RBFOX1: variants seen among roughly 807,000 people sequenced by gnomAD.
RBFOX1 encodes RNA binding protein fox-1 homolog 1.
RBFOX1 carries 8 observed loss-of-function variants against 57.7 expected under a neutral mutation model. The ratio of observed to expected loss-of-function variants is 0.14; its 90% CI spans 0.08 to 0.25. The LOEUF (loss-of-function observed/expected upper bound fraction) is 0.25, where lower values mean the gene tolerates loss of function less well. RBFOX1 is among the 10% of genes least tolerant of loss of function. RBFOX1 has a pLI of 1.00. For missense variants in RBFOX1, 611 were observed against 548.5 expected (o/e 1.11, Z -1.14); for synonymous variants, 326 against 222.4 (o/e 1.47, Z -4.15).
At chr16:7,159,561 A>T (rs532847548) in intron 4 of RBFOX1, among the ~76,000 whole-genome samples, 5 of 152,292 alleles carry the variant, frequency 3.3e-5, no homozygotes, top group South Asian at 2.1e-4. Context: ...GGATTTGAAC[A>T]TGAGTCCCCA....
intron 2 of RBFOX1, among the ~76,000 whole-genome samples, chr16:5,476,808 A>T (rs967589379): frequency 2.0e-5 from 3 of 152,104 alleles, no homozygotes; most frequent in African/African-American, 7.2e-5. Flanking sequence ...TCTGGGCAGA[A>T]ATCCTTTCCT....
intron 1 of RBFOX1, among the ~76,000 whole-genome samples, chr16:5,332,728 G>C (rs1254831470): frequency 6.6e-6 from 1 of 151,468 alleles, no homozygotes; most frequent in African/African-American, 2.4e-5. Context: ...ACCATGTGTA[G>C]ATATTATTTT....
intron 3 of RBFOX1, among the ~76,000 whole-genome samples, chr16:5,675,480 G>A (rs1481954732): frequency 6.6e-6 from 1 of 152,182 alleles, no homozygotes; most frequent in African/African-American, 2.4e-5. Context: ...GTGGGAAGAA[G>A]ACAATTGCTC....
chr16:7,137,538 C>A (rs1308749513), intron 4 of RBFOX1, among the ~76,000 whole-genome samples: 1 of 152,140 alleles, frequency 6.6e-6, no homozygotes, highest in South Asian at 2.1e-4. Context: ...GAGGCTTCCC[C>A]AGCCACGTGG....
At chr16:5,670,683 A>G (rs1254567605) in intron 3 of RBFOX1, among the ~76,000 whole-genome samples, 1 of 152,224 alleles carries the variant, frequency 6.6e-6, no homozygotes, top group Admixed American at 6.5e-5. Context: ...TAGGCACCTC[A>G]CAGGGTTATC....
chr16:5,937,544 A>T (rs972833612), intron 4 of RBFOX1, among the ~76,000 whole-genome samples: 2 of 151,740 alleles, frequency 1.3e-5, no homozygotes, highest in Non-Finnish European at 2.9e-5. Flanking sequence ...TTACATATTT[A>T]TATATAACTG....
chr16:6,167,795 G>A (rs1271600501), intron 1 of RBFOX1, among the ~76,000 whole-genome samples: 2 of 152,128 alleles, frequency 1.3e-5, no homozygotes, highest in Non-Finnish European at 2.9e-5. Flanking sequence ...AGGGAGTGGA[G>A]GCCAGAAGAT....
chr16:6,328,182 A>T (rs1244089494), intron 2 of RBFOX1, among the ~76,000 whole-genome samples: 4 of 152,170 alleles, frequency 2.6e-5, no homozygotes, highest in Non-Finnish European at 5.9e-5. Context: ...TAAGGAAGGG[A>T]AAACAAAATA....
At chr16:7,304,627 G>C (rs2096127887) in intron 4 of RBFOX1, 1 of 973,548 alleles carries the variant, frequency 1.0e-6, no homozygotes, top group African/African-American at 1.8e-5. Context: ...GTGGATGGAA[G>C]CCTCCTGCTC....
chr16:5,360,829 C>G (rs546999993), intron 1 of RBFOX1, among the ~76,000 whole-genome samples: 1 of 152,170 alleles, frequency 6.6e-6, no homozygotes, highest in Non-Finnish European at 1.5e-5. Context: ...TTGCCTCTTT[C>G]CTGCCCAGTT....
intron 3 of RBFOX1, among the ~76,000 whole-genome samples, chr16:5,614,137 A>G (rs992674923): frequency 1.3e-5 from 2 of 152,122 alleles, no homozygotes; most frequent in African/African-American, 2.4e-5. Flanking sequence ...GACTCCCTCT[A>G]GGTTGGGAGG....
chr16:6,915,865 A>G (rs1372847492), intron 3 of RBFOX1, among the ~76,000 whole-genome samples: 3 of 151,968 alleles, frequency 2.0e-5, no homozygotes, highest in South Asian at 2.1e-4. Context: ...ATTCCTTTTT[A>G]TAGTTGAATA....
At chr16:6,602,418 G>A (rs925608724) in intron 2 of RBFOX1, among the ~76,000 whole-genome samples, 32 of 152,126 alleles carry the variant, frequency 2.1e-4, no homozygotes, top group African/African-American at 7.5e-4. Flanking sequence ...CTGAGTATAG[G>A]ATGGTCTCTC....
At chr16:6,156,457 G>A (rs1329528433) in intron 1 of RBFOX1, among the ~76,000 whole-genome samples, 2 of 152,242 alleles carry the variant, frequency 1.3e-5, no homozygotes. Context: ...GCCCATGTAT[G>A]TGAAGAGCTC....
chr16:7,479,636 A>G (rs9921503), intron 4 of RBFOX1, among the ~76,000 whole-genome samples: 10,339 of 152,140 alleles, frequency 0.068, 1,213 homozygotes, highest in African/African-American at 0.24. Context: ...GGAAGGATGC[A>G]GCTTCTTCTG....
At chr16:7,676,309 G>T (rs1411969622) in intron 13 of RBFOX1, among the ~76,000 whole-genome samples, 1 of 151,964 alleles carries the variant, frequency 6.6e-6, no homozygotes, top group African/African-American at 2.4e-5. Context: ...TCAATCAAAG[G>T]GTGATTTAAT....
chr16:6,772,261 G>A (rs879877387), intron 3 of RBFOX1, among the ~76,000 whole-genome samples: 17 of 152,108 alleles, frequency 1.1e-4, no homozygotes, highest in Non-Finnish European at 2.1e-4. Flanking sequence ...TACAACTGCA[G>A]GTCAGGCCAG....
At chr16:7,406,683 C>T (rs1318869414) in intron 4 of RBFOX1, among the ~76,000 whole-genome samples, 1 of 152,206 alleles carries the variant, frequency 6.6e-6, no homozygotes, top group African/African-American at 2.4e-5. Context: ...CTTCTGAGTC[C>T]CTTTTCAGTT....
intron 3 of RBFOX1, among the ~76,000 whole-genome samples, chr16:6,758,314 C>A (rs1185739664): frequency 6.6e-6 from 1 of 152,100 alleles, no homozygotes; most frequent in Admixed American, 6.6e-5. Flanking sequence ...TAAAAATTTT[C>A]CCCCAAGCAT....
Sources: allele counts gnomAD v4.1 joint callset (sites outside exome capture counted in the v4.1 genomes callset), GRCh38; gene constraint gnomAD v4.1.1; transcripts MANE v1.5; gene names NCBI Gene and HGNC (gene_info 2026-07-23, HGNC 2026-07-21).